Variants in NEGR1 observed in about 807,000 individuals in gnomAD.
NEGR1 encodes the protein neuronal growth regulator 1.
In NEGR1, 10 loss-of-function variants were observed where a neutral mutation model predicts 40.9. The ratio of observed to expected loss-of-function variants is 0.24; its 90% CI spans 0.15 to 0.42. NEGR1 has a LOEUF of 0.42. Among genes scored for constraint, NEGR1 ranks in the 10% least tolerant of loss-of-function variants. The pLI, the probability that NEGR1 is intolerant of heterozygous loss-of-function variation, is 1.00. For synonymous variants in NEGR1, 185 were observed against 166.8 expected, an observed-to-expected ratio of 1.11 and a Z score of -0.84; for missense variants, 352 against 438.9, an observed-to-expected ratio of 0.80 and a Z score of 1.77.
chr1:71,817,674 C>T (rs937414764), intron 2 of NEGR1, among the ~76,000 whole-genome samples: 1 of 151,996 alleles, frequency 6.6e-6, no homozygotes, highest in African/African-American at 2.4e-5. Flanking sequence ...CAAAAAGTGG[C>T]ATCCAAAGGA....
intron 1 of NEGR1, among the ~76,000 whole-genome samples, chr1:72,198,617 C>A (rs997861377): frequency 6.6e-6 from 1 of 151,812 alleles, no homozygotes; most frequent in Admixed American, 6.6e-5. Flanking sequence ...CTGTTTTTTT[C>A]TGATTTATAA....
intron 2 of NEGR1, among the ~76,000 whole-genome samples, chr1:71,881,498 T>C (rs1660583566): frequency 6.6e-6 from 1 of 152,080 alleles, no homozygotes; most frequent in Non-Finnish European, 1.5e-5. Context: ...CATCTACATT[T>C]TCCTAACTTA....
intron 1 of NEGR1, among the ~76,000 whole-genome samples, chr1:71,960,424 C>T (rs1332623331): frequency 6.6e-6 from 1 of 152,038 alleles, no homozygotes; most frequent in African/African-American, 2.4e-5. Flanking sequence ...TAAAGTCAGG[C>T]CTTTAAATGA....
At chr1:71,503,293 C>T (rs1196256222) in intron 6 of NEGR1, among the ~76,000 whole-genome samples, 2 of 152,056 alleles carry the variant, frequency 1.3e-5, no homozygotes, top group Non-Finnish European at 2.9e-5. Flanking sequence ...AGATAGGTTA[C>T]GTTCTCTGCT....
intron 1 of NEGR1, among the ~76,000 whole-genome samples, chr1:72,232,068 C>T (rs1016451135): frequency 2.6e-5 from 4 of 151,850 alleles, no homozygotes; most frequent in African/African-American, 9.7e-5. Flanking sequence ...TTTTAAGAAG[C>T]TTTGGGGCCG....
intron 1 of NEGR1, among the ~76,000 whole-genome samples, chr1:72,256,303 T>G (rs922516488): frequency 6.6e-6 from 1 of 152,206 alleles, no homozygotes; most frequent in East Asian, 1.9e-4. Context: ...ATCACAAAAG[T>G]GTTGACACAA....
Position 71,993,225 on chromosome 1 carries a change from A to G in NEGR1, c.177-57914T>C, listed in dbSNP as rs1374719483. ...GAGCTAAGTCAAGTTATAAAATTTC[A>G]GAATAGTATATATTCCCTTAATAGC... On this transcript the variant is annotated intron_variant, in intron 1 of 6. Coordinates refer to ENST00000357731, the MANE Select transcript of NEGR1 (RefSeq NM_173808.3). Among the ~76,000 whole-genome samples the G allele has an allele frequency of 3.3e-5, 5 of 152,356 alleles. No homozygotes were observed. In the East Asian group the frequency reaches 9.6e-4, roughly 29 times the overall value.
chr1:72,009,081 C>T (rs1304969012), intron 1 of NEGR1, among the ~76,000 whole-genome samples: 1 of 151,242 alleles, frequency 6.6e-6, no homozygotes, highest in Admixed American at 6.6e-5. Flanking sequence ...TATGTTATGG[C>T]TACTAATATG....
chr1:72,208,799 T>C (rs572660308), intron 1 of NEGR1, among the ~76,000 whole-genome samples: 1 of 151,796 alleles, frequency 6.6e-6, no homozygotes, highest in Non-Finnish European at 1.5e-5. Flanking sequence ...CTTAACAAAG[T>C]GCTAGACATT....
chr1:71,475,707 T>A (rs1468778852), intron 6 of NEGR1, among the ~76,000 whole-genome samples: 4 of 151,980 alleles, frequency 2.6e-5, no homozygotes, highest in Non-Finnish European at 5.9e-5. Context: ...AAGAAGGTCG[T>A]TAGGAAAAAA....
chr1:72,103,109 A>C (rs960541537), intron 1 of NEGR1, among the ~76,000 whole-genome samples: 1 of 152,032 alleles, frequency 6.6e-6, no homozygotes, highest in Non-Finnish European at 1.5e-5. Context: ...CTTTTCTATA[A>C]GTATACAACA....
chr1:71,470,445 A>G (rs1201456063), intron 6 of NEGR1, among the ~76,000 whole-genome samples: 2 of 152,176 alleles, frequency 1.3e-5, no homozygotes, highest in African/African-American at 4.8e-5. Flanking sequence ...TAATATAAAC[A>G]AAGAAAATTT....
intron 1 of NEGR1, among the ~76,000 whole-genome samples, chr1:72,122,757 TC>T (rs1649851782): frequency 6.6e-6 from 1 of 151,818 alleles, no homozygotes; most frequent in Non-Finnish European, 1.5e-5. Flanking sequence ...TTTAATACTA[TC>T]TAAGTGTACA....
In NEGR1 at chr1:71,613,412, C is replaced by T. The variant is rs930170967; in HGVS notation, c.668-2266G>A. ...CTATAATCCCAGCACTTTGGGAGGC[C>T]GAGGCGGGTGGATCACCTGAGGTCA... On this transcript the variant is annotated intron_variant, in intron 4 of 6. Coordinates refer to ENST00000357731, the MANE Select transcript of NEGR1 (RefSeq NM_173808.3). Among the ~76,000 whole-genome samples, 9 of 151,870 alleles carry T rather than the reference C, an allele frequency of 5.9e-5. No individual in the cohort carries two copies. The South Asian group carries it at 6.2e-4, about 11-fold the overall frequency.
chr1:71,944,059 A>G (rs1209817036), intron 1 of NEGR1, among the ~76,000 whole-genome samples: 1 of 152,214 alleles, frequency 6.6e-6, no homozygotes, highest in East Asian at 1.9e-4. Flanking sequence ...TAATTTTTGA[A>G]TTCAACTAAA....
chr1:71,660,030 G>A (rs1183881399), intron 4 of NEGR1, among the ~76,000 whole-genome samples: 1 of 152,142 alleles, frequency 6.6e-6, no homozygotes, highest in African/African-American at 2.4e-5. Context: ...GCACATGAAT[G>A]TTCATAGCAG....
chr1:72,280,698 T>TA (rs1656213395), intron 1 of NEGR1, among the ~76,000 whole-genome samples: 2 of 152,182 alleles, frequency 1.3e-5, no homozygotes, highest in Admixed American at 6.5e-5. Flanking sequence ...TAGTGTATAT[T>TA]AAAAAATACG....
intron 2 of NEGR1, among the ~76,000 whole-genome samples, chr1:71,924,778 A>G (rs932289400): frequency 1.3e-5 from 2 of 152,198 alleles, no homozygotes; most frequent in Admixed American, 6.5e-5. Flanking sequence ...TTTTTACTAC[A>G]ACACGCATTC....
Position 71,587,376 on chromosome 1 carries a change from T to C in NEGR1, c.940+5441A>G, listed in dbSNP as rs138876198. 4.6e-3 allele frequency among the ~76,000 whole-genome samples: 697 copies of C among 152,240 alleles called. 3 individuals carry two copies. The highest frequency in any genetic ancestry group is 0.015 in the African/African-American group (633 of 41,562). Reference sequence around the variant, plus strand: ...GTAGACTCTTCCATTTCCTTTTGGATACTAGCTACTGACTTCTTTTTTATC... The same window carrying C: ...GTAGACTCTTCCATTTCCTTTTGGACACTAGCTACTGACTTCTTTTTTATC... On this transcript the variant is annotated intron_variant, in intron 6 of 6. Coordinates refer to ENST00000357731, the MANE Select transcript of NEGR1 (RefSeq NM_173808.3).
Sources: allele counts gnomAD v4.1 joint callset (sites outside exome capture counted in the v4.1 genomes callset), GRCh38; gene constraint gnomAD v4.1.1; transcripts MANE v1.5; gene names NCBI Gene and HGNC (gene_info 2026-07-23, HGNC 2026-07-21).